Variants in ANO3 observed in about 807,000 individuals in gnomAD.
The protein encoded by ANO3 is anoctamin-3.
A neutral mutation model predicts 144.8 loss-of-function variants in ANO3; 99 were observed. The ratio of observed to expected loss-of-function variants is 0.68; its 90% CI spans 0.58 to 0.81. The LOEUF is 0.81. Ranked by LOEUF, ANO3 falls within the 30% of genes least tolerant of loss-of-function variation. ANO3 has a pLI of 0.00. For missense variants in ANO3, 905 were observed against 1,202.2 expected, an observed-to-expected ratio of 0.75 and a Z score of 3.66; for synonymous variants, 414 against 392.6, an observed-to-expected ratio of 1.05 and a Z score of -0.64.
At chr11:26,648,617 A>G (rs1197019721) in intron 24 of ANO3, among the ~76,000 whole-genome samples, 1 of 152,212 alleles carries the variant, frequency 6.6e-6, no homozygotes, top group Non-Finnish European at 1.5e-5. Flanking sequence ...GACCCAGTTT[A>G]GAACCACTGC....
chr11:26,268,346 A>G (rs76704356), intron 1 of ANO3, among the ~76,000 whole-genome samples: 4,104 of 152,284 alleles, frequency 0.027, 90 homozygotes, highest in African/African-American at 0.066. Context: ...GGAGAAGACA[A>G]TATCTCTCAA....
chr11:26,460,165 C>A (rs1474985146), intron 3 of ANO3: 1 of 407,442 alleles, frequency 2.5e-6, no homozygotes, highest in Admixed American at 3.0e-5. Context: ...TCTGCATACT[C>A]TAATATTATT....
chr11:26,392,969 T>C (rs1856920250), intron 1 of ANO3, among the ~76,000 whole-genome samples: 1 of 152,146 alleles, frequency 6.6e-6, no homozygotes, highest in African/African-American at 2.4e-5. Context: ...TTGTAAATTC[T>C]ATAACTACAT....
intron 4 of ANO3, among the ~76,000 whole-genome samples, chr11:26,499,531 GTC>G (rs1452896867): frequency 6.6e-6 from 1 of 150,484 alleles, no homozygotes; most frequent in African/African-American, 2.4e-5. Flanking sequence ...TTTTTTTAGT[GTC>G]TCTAATTGAG....
intron 14 of ANO3, among the ~76,000 whole-genome samples, chr11:26,597,132 C>T (rs534835933): frequency 1.2e-4 from 19 of 152,270 alleles, no homozygotes; most frequent in Admixed American, 8.5e-4. Flanking sequence ...TTTGGAGAAG[C>T]GCCGTACGGG....
chr11:26,567,932 A>C (rs1850659830), intron 14 of ANO3, among the ~76,000 whole-genome samples: 1 of 152,124 alleles, frequency 6.6e-6, no homozygotes, highest in East Asian at 1.9e-4. Flanking sequence ...AAAGTTCAAA[A>C]ACAGGCAAAA....
intron 23 of ANO3, among the ~76,000 whole-genome samples, chr11:26,647,071 A>G (rs974584682): frequency 2.6e-5 from 4 of 152,214 alleles, no homozygotes; most frequent in Non-Finnish European, 4.4e-5. Context: ...TCTCATACAT[A>G]TTTTTAAAAC....
At chr11:26,321,555 A>AT (rs1854762159) in intron 1 of ANO3, among the ~76,000 whole-genome samples, 3 of 152,034 alleles carry the variant, frequency 2.0e-5, no homozygotes, top group Non-Finnish European at 4.4e-5. Flanking sequence ...TAATAAAACA[A>AT]GTTCTATAAG....
intron 7 of ANO3, among the ~76,000 whole-genome samples, chr11:26,529,594 G>A (rs776471867): frequency 6.8e-6 from 1 of 146,826 alleles, no homozygotes; most frequent in Non-Finnish European, 1.5e-5. Flanking sequence ...AAATATTGAG[G>A]TGTGTTATAT....
rs1282357957 is a variant in ANO3, at chr11:26,531,102, C to CT, written c.738-99dup. 4.5e-6 allele frequency: 6 copies of CT among 1,331,324 alleles called. No individual in the cohort carries two copies. In the African/African-American group the frequency reaches 8.8e-5, roughly 19 times the overall value. The allele number at this position is 1,331,324 out of a possible 1,614,324, so 82.5% of individuals were successfully genotyped here. ...GTGGTGTGTGTAGGTTTGTGTATCT[C>CT]TTTTCAAAGAAGTTTCTTTAGTACT... On this transcript the variant is annotated intron_variant, in intron 7 of 26. Transcript: ENST00000256737.
At chr11:26,277,976 A>G (rs1297082150) in intron 1 of ANO3, among the ~76,000 whole-genome samples, 1 of 152,050 alleles carries the variant, frequency 6.6e-6, no homozygotes, top group Non-Finnish European at 1.5e-5. Flanking sequence ...TTAATTCAAT[A>G]TATGGTTTTC....
intron 14 of ANO3, among the ~76,000 whole-genome samples, chr11:26,597,126 G>A (rs1247515900): frequency 6.6e-6 from 1 of 152,162 alleles, no homozygotes; most frequent in Admixed American, 6.5e-5. Flanking sequence ...CACCGCTTTG[G>A]AGAAGCGCCG....
At chr11:26,622,971 C>T (rs1190728404) in intron 17 of ANO3, among the ~76,000 whole-genome samples, 1 of 152,118 alleles carries the variant, frequency 6.6e-6, no homozygotes, top group Admixed American at 6.6e-5. Flanking sequence ...CTATTGTACT[C>T]CTTGGAGACC....
intron 1 of ANO3, among the ~76,000 whole-genome samples, chr11:26,368,345 A>T (rs34248864): frequency 6.6e-6 from 1 of 152,146 alleles, no homozygotes; most frequent in African/African-American, 2.4e-5. Flanking sequence ...TAGTAATTAT[A>T]AGCCAAATCT....
chr11:26,315,531 A>C (rs560383679), intron 1 of ANO3, among the ~76,000 whole-genome samples: 13 of 152,336 alleles, frequency 8.5e-5, no homozygotes, highest in African/African-American at 2.9e-4. Flanking sequence ...AACTAGAGAT[A>C]AAATTAGAAA....
chr11:26,381,498 C>T (rs900229852), intron 1 of ANO3, among the ~76,000 whole-genome samples: 1 of 152,140 alleles, frequency 6.6e-6, no homozygotes, highest in African/African-American at 2.4e-5. Flanking sequence ...ATCCCATTAT[C>T]AAGTTTTATT....
Position 26,599,720 on chromosome 11 carries a change from TG to T in ANO3, c.1836+7del. 1 of 1,610,632 alleles carries T rather than the reference TG, an allele frequency of 6.2e-7. No individual in the cohort carries two copies. The highest frequency in any genetic ancestry group is 8.5e-7 in the Non-Finnish European group (1 of 1,177,488). ...TCATTATGTTGCTGAATCTTGTAAG[TG>T]TCTATAATGTTATTCTTCAGTAGAC... On this transcript the variant is annotated splice_region_variant and intron_variant, in intron 17 of 26. Transcript: ENST00000256737.
rs1230729541 is a variant in ANO3, at chr11:26,453,463, A to C, written c.314-9567A>C. ...TGATAAAACAGGCTTTAAACCAACA[A>C]AGATCAAAAGAGACAAAGAAGGCCA... On this transcript the variant is annotated intron_variant, in intron 3 of 26. Transcript: ENST00000256737. Among the ~76,000 whole-genome samples, 7 of 152,260 alleles carry C rather than the reference A, an allele frequency of 4.6e-5. 1 individual carries two copies. The East Asian group carries it at 9.6e-4, about 21-fold the overall frequency.
intron 1 of ANO3, among the ~76,000 whole-genome samples, chr11:26,220,033 A>G (rs1243490920): frequency 6.6e-6 from 1 of 152,190 alleles, no homozygotes; most frequent in Non-Finnish European, 1.5e-5. Flanking sequence ...TGCATTCTCA[A>G]TCCATTCTAC....
Sources: gnomAD v4.1 joint callset for allele counts (sites outside exome capture counted in the v4.1 genomes callset) on GRCh38, gnomAD v4.1.1 for gene constraint, MANE v1.5 for transcripts, NCBI Gene and HGNC (gene_info 2026-07-23, HGNC 2026-07-21) for gene names.